NCAM2: variants seen among roughly 807,000 people sequenced by gnomAD.
NCAM2 encodes the protein neural cell adhesion molecule 2.
A neutral mutation model predicts 98.1 loss-of-function variants in NCAM2; 30 were observed. That is an observed-to-expected ratio of 0.31 (90% CI 0.23 to 0.41). The LOEUF (loss-of-function observed/expected upper bound fraction) is 0.41, where lower values mean the gene tolerates loss of function less well. Ranked by LOEUF, NCAM2 falls within the 10% of genes least tolerant of loss-of-function variation. The probability of loss-of-function intolerance (pLI) is 1.00; values close to 1 mark genes in which losing one functional copy is unlikely to be tolerated. For missense variants in NCAM2, 867 were observed against 1,005.8 expected (o/e 0.86, Z 1.87); for synonymous variants, 368 against 342.4 (o/e 1.07, Z -0.83).
chr21:21,357,157 A>G (rs2147973012), intron 8 of NCAM2, among the ~76,000 whole-genome samples: 1 of 152,246 alleles, frequency 6.6e-6, no homozygotes, highest in African/African-American at 2.4e-5. Flanking sequence ...ACCAGTTTTG[A>G]GTATACAAGT....
At chr21:21,272,480 GCACACATACA>G (rs1601831395) in intron 1 of NCAM2, among the ~76,000 whole-genome samples, 1 of 142,106 alleles carries the variant, frequency 7.0e-6, no homozygotes, top group African/African-American at 2.6e-5. Context: ...AAAAAAACAC[GCACACATACA>G]CACACATGCG....
chr21:21,327,877 A>G (rs975170953), intron 6 of NCAM2, among the ~76,000 whole-genome samples: 3 of 152,224 alleles, frequency 2.0e-5, no homozygotes, highest in African/African-American at 7.2e-5. Flanking sequence ...ATGTTCACAA[A>G]GAGAATCAAA....
intron 1 of NCAM2, among the ~76,000 whole-genome samples, chr21:21,276,810 C>G (rs1342303400): frequency 6.6e-6 from 1 of 151,828 alleles, no homozygotes; most frequent in African/African-American, 2.4e-5. Flanking sequence ...ACATATATAG[C>G]AATGAAATAT....
At chr21:21,380,692 C>G (rs2148086431) in intron 9 of NCAM2, among the ~76,000 whole-genome samples, 2 of 152,214 alleles carry the variant, frequency 1.3e-5, no homozygotes, top group Middle Eastern at 3.4e-3. Context: ...TTCTTCTTCA[C>G]AAGTCCATCT....
In NCAM2 at chr21:21,323,044, G is replaced by A. The variant is rs142495478; in HGVS notation, c.620-1339G>A. On this transcript the variant is annotated intron_variant, in intron 5 of 17. Coordinates refer to ENST00000400546, the MANE Select transcript of NCAM2 (RefSeq NM_004540.5). ...AATCCATGAAAGAATTCATTTCATTGTAATTCTCTAAGGAATGAAAAACCT... is the reference window on the plus strand; with the variant it reads ...AATCCATGAAAGAATTCATTTCATTATAATTCTCTAAGGAATGAAAAACCT... 6.0e-4 allele frequency among the ~76,000 whole-genome samples: 91 copies of A among 152,216 alleles called. No individual in the cohort carries two copies. In the East Asian group the frequency reaches 0.016, roughly 27 times the overall value.
chr21:21,185,302 G>C (rs2068603929), intron 1 of NCAM2, among the ~76,000 whole-genome samples: 1 of 152,054 alleles, frequency 6.6e-6, no homozygotes, highest in Non-Finnish European at 1.5e-5. Flanking sequence ...ACTTTTGAGA[G>C]TAGTTGGAGA....
intron 1 of NCAM2, among the ~76,000 whole-genome samples, chr21:21,257,489 T>G (rs925347337): frequency 5.3e-5 from 8 of 152,298 alleles, no homozygotes; most frequent in African/African-American, 1.9e-4. Context: ...AATTTAACAA[T>G]GTCTTCAAAG....
chr21:21,126,324 A>T (rs1332036914), intron 1 of NCAM2, among the ~76,000 whole-genome samples: 1 of 151,138 alleles, frequency 6.6e-6, no homozygotes, highest in Non-Finnish European at 1.5e-5. Context: ...AGTATGGTCC[A>T]CTTCTCAGAT....
At position 21,016,453 on chromosome 21, in the gene NCAM2, G is replaced by A. The variant is rs765319400; in HGVS notation, c.55+17835G>A. Reference sequence around the variant, plus strand: ...AGATTAATTATCTTTTATAAATGAGGTAATGAGATTTTAAAGAGTTTAGAT... The same window carrying A: ...AGATTAATTATCTTTTATAAATGAGATAATGAGATTTTAAAGAGTTTAGAT... On this transcript the variant is annotated intron_variant, in intron 1 of 17. Transcript: ENST00000400546. Among the ~76,000 whole-genome samples, 30 of 152,070 alleles carry A rather than the reference G, an allele frequency of 2.0e-4. 1 individual carries two copies. The highest frequency in any genetic ancestry group is 1.2e-4 in the Non-Finnish European group (8 of 68,022).
chr21:21,203,371 G>A (rs767551255), intron 1 of NCAM2, among the ~76,000 whole-genome samples: 1 of 152,088 alleles, frequency 6.6e-6, no homozygotes, highest in South Asian at 2.1e-4. Context: ...ATCTGTTTAA[G>A]ATAAGAATAT....
intron 5 of NCAM2, among the ~76,000 whole-genome samples, chr21:21,293,761 T>C (rs927084526): frequency 6.6e-6 from 1 of 151,826 alleles, no homozygotes; most frequent in African/African-American, 2.4e-5. Context: ...TGTTAATTAT[T>C]GAATTGTCTA....
intron 16 of NCAM2, among the ~76,000 whole-genome samples, chr21:21,510,695 A>G (rs1406844288): frequency 6.6e-6 from 1 of 152,076 alleles, no homozygotes; most frequent in Non-Finnish European, 1.5e-5. Flanking sequence ...TTTTTACTTT[A>G]AAGTTTTGGC....
chr21:21,536,961 A>G (rs1382550522), intron 17 of NCAM2, among the ~76,000 whole-genome samples: 1 of 152,196 alleles, frequency 6.6e-6, no homozygotes, highest in African/African-American at 2.4e-5. Flanking sequence ...AAGAAAAACA[A>G]TGTGAAAAGA....
chr21:21,302,329 C>T (rs1003124972), intron 5 of NCAM2, among the ~76,000 whole-genome samples: 3 of 152,026 alleles, frequency 2.0e-5, no homozygotes, highest in Non-Finnish European at 2.9e-5. Flanking sequence ...CAATCTTCTG[C>T]GTATGACCAG....
chr21:21,038,084 T>TG (rs2064833402), intron 1 of NCAM2, among the ~76,000 whole-genome samples: 1 of 152,052 alleles, frequency 6.6e-6, no homozygotes, highest in African/African-American at 2.4e-5. Context: ...CCATAACCCA[T>TG]GGTTTACCTT....
chr21:21,307,224 A>G (rs1429731896), intron 5 of NCAM2, among the ~76,000 whole-genome samples: 1 of 152,134 alleles, frequency 6.6e-6, no homozygotes, highest in East Asian at 1.9e-4. Flanking sequence ...TCATTTTTGA[A>G]TATTTTAATG....
At chr21:21,052,820 C>A (rs73218287) in intron 1 of NCAM2, among the ~76,000 whole-genome samples, 9,095 of 151,820 alleles carry the variant, frequency 0.06, 289 homozygotes, top group East Asian at 0.095. Flanking sequence ...TCTTTTTTTC[C>A]AAAGTGAAAA....
At chr21:21,350,671 G>A (rs1371195326) in intron 8 of NCAM2, among the ~76,000 whole-genome samples, 1 of 152,106 alleles carries the variant, frequency 6.6e-6, no homozygotes, top group African/African-American at 2.4e-5. Context: ...TTAAACTAAT[G>A]ACTATTGTTA....
At chr21:21,042,838 TAAC>T (rs1216538242) in intron 1 of NCAM2, among the ~76,000 whole-genome samples, 1 of 152,202 alleles carries the variant, frequency 6.6e-6, no homozygotes, top group Non-Finnish European at 1.5e-5. Context: ...TAGGCTTAAA[TAAC>T]AACATAATTT....
Sources: allele counts gnomAD v4.1 joint callset (sites outside exome capture counted in the v4.1 genomes callset), GRCh38; gene constraint gnomAD v4.1.1; transcripts MANE v1.5; gene names NCBI Gene and HGNC (gene_info 2026-07-23, HGNC 2026-07-21).